The following P3H2 variants were observed in gnomAD, a reference collection of about 807,000 sequenced individuals.
P3H2 encodes prolyl 3-hydroxylase 2, also known as leprecan-like 1.
Under a neutral mutation model 87.0 loss-of-function variants are expected in P3H2, and 80 were observed. The ratio of observed to expected loss-of-function variants is 0.92; its 90% CI spans 0.77 to 1.11. The LOEUF is 1.11. P3H2 is among the 50% of genes least tolerant of loss of function. P3H2 has a pLI of 0.00. For missense variants in P3H2, 1,001 were observed against 923.9 expected (o/e 1.08, Z -1.08); for synonymous variants, 367 against 359.3 (o/e 1.02, Z -0.24).
intron 1 of P3H2, among the ~76,000 whole-genome samples, chr3:190,001,109 C>T (rs947547518): frequency 2.0e-5 from 3 of 152,150 alleles, no homozygotes; most frequent in Admixed American, 6.5e-5. Flanking sequence ...AAGGCAAACA[C>T]GTAACACAAA....
At chr3:190,117,255 G>A (rs1421602961) in intron 1 of P3H2, among the ~76,000 whole-genome samples, 1 of 152,070 alleles carries the variant, frequency 6.6e-6, no homozygotes, top group Non-Finnish European at 1.5e-5. Flanking sequence ...GAACTCATTG[G>A]GTCTCAGATT....
At chr3:189,996,884 C>A (rs1724066498) in intron 1 of P3H2, among the ~76,000 whole-genome samples, 1 of 152,164 alleles carries the variant, frequency 6.6e-6, no homozygotes, top group African/African-American at 2.4e-5. Context: ...AACTTTGATT[C>A]TCATTAATAA....
intron 1 of P3H2, among the ~76,000 whole-genome samples, chr3:190,005,056 T>C (rs75142842): frequency 0.017 from 2,530 of 152,332 alleles, 65 homozygotes; most frequent in African/African-American, 0.058. Flanking sequence ...ATCATTTGAA[T>C]TTGTCAATTA....
intron 1 of P3H2, among the ~76,000 whole-genome samples, chr3:189,998,204 C>A (rs898443734): frequency 6.6e-6 from 1 of 152,080 alleles, no homozygotes; most frequent in African/African-American, 2.4e-5. Flanking sequence ...AGAGTAGGTG[C>A]TTCTGGTTGG....
rs1323159963 is a variant in P3H2, at chr3:190,021,213, G to A, written c.481-25771C>T. 1.5e-5 allele frequency among the ~76,000 whole-genome samples: 2 copies of A among 134,664 alleles called. 1 individual carries two copies. The highest frequency in any genetic ancestry group is 5.1e-5 in the African/African-American group (2 of 38,948). The allele number at this position is 134,664 out of a possible 152,430, so 88.3% of individuals were successfully genotyped here. A position where few individuals can be genotyped will look rare whatever the true frequency, so the allele number is the denominator to read the frequency against. ...TAATAAAACAACAAAAAGTGCTTGC[G>A]AGGTTCCAGAGATTTTTCACCCTTT... On this transcript the variant is annotated intron_variant, in intron 1 of 14. Coordinates refer to ENST00000319332, the MANE Select transcript of P3H2 (RefSeq NM_018192.4).
intron 1 of P3H2, among the ~76,000 whole-genome samples, chr3:190,017,854 C>T (rs1484980374): frequency 6.6e-6 from 1 of 152,190 alleles, no homozygotes; most frequent in Non-Finnish European, 1.5e-5. Context: ...TGAAAACTGG[C>T]CCCAAGAGGG....
At position 190,053,453 on chromosome 3, in the gene P3H2, T is replaced by G. The variant is rs1445956155; in HGVS notation, c.481-58011A>C. ...ATTTTTATTTTTAAATAAAGTGGTT[T>G]TTTTTTTTTTTTTTGAGATGGAGTT... On this transcript the variant is annotated intron_variant, in intron 1 of 14. Coordinates refer to ENST00000319332, the MANE Select transcript of P3H2 (RefSeq NM_018192.4). 8.3e-3 allele frequency among the ~76,000 whole-genome samples: 1,232 copies of G among 148,464 alleles called. 15 individuals are homozygous for G. Among genetic ancestry groups the G allele is most frequent in the African/African-American group, 0.027 (1,096 of 40,480 alleles).
chr3:190,114,006 G>C (rs1712176692), intron 1 of P3H2, among the ~76,000 whole-genome samples: 1 of 142,636 alleles, frequency 7.0e-6, no homozygotes, highest in Non-Finnish European at 1.5e-5. Context: ...CGTGAACCCG[G>C]GAGGCGGAGC....
Position 189,973,910 on chromosome 3 carries a change from TTGAG to T in P3H2, c.1543_1546del (p.Leu515AsnfsTer10). On this transcript the variant is annotated frameshift_variant and splice_region_variant, in exon 10 of 15. Coordinates refer to ENST00000319332, the MANE Select transcript of P3H2 (RefSeq NM_018192.4). LOFTEE classifies it high-confidence loss of function. The stretch of plus-strand genomic sequence containing the variant: ...ACCCAAAAGAAGTTAAGACTTTACT[TTGAG>T]TGCTTTCAGGACAGTTGCACCTTCA... The T allele has an allele frequency of 1.9e-6, 3 of 1,611,544 alleles. No homozygotes were observed. The highest frequency in any genetic ancestry group is 1.7e-6 in the Non-Finnish European group (2 of 1,177,618).
chr3:190,094,732 C>T (rs555995141), intron 1 of P3H2, among the ~76,000 whole-genome samples: 9 of 152,232 alleles, frequency 5.9e-5, no homozygotes, highest in South Asian at 2.1e-4. Context: ...CTTTGTAATC[C>T]GCAAAACACC....
chr3:190,075,690 G>A (rs1481783152), intron 1 of P3H2, among the ~76,000 whole-genome samples: 5 of 151,792 alleles, frequency 3.3e-5, no homozygotes, highest in African/African-American at 1.2e-4. Context: ...AGATTAAGAG[G>A]GAGAAACATC....
intron 8 of P3H2, among the ~76,000 whole-genome samples, chr3:189,981,344 C>T (rs893661978): frequency 6.6e-6 from 1 of 152,146 alleles, no homozygotes; most frequent in African/African-American, 2.4e-5. Flanking sequence ...TATTTCCAGA[C>T]AGACAGTGTC....
chr3:190,064,034 C>T (rs192889066), intron 1 of P3H2, among the ~76,000 whole-genome samples: 91 of 147,370 alleles, frequency 6.2e-4, no homozygotes, highest in African/African-American at 2.2e-3. Flanking sequence ...CACTGTTACC[C>T]AGGCTGGAGA....
At chr3:190,058,791 G>T (rs192238633) in intron 1 of P3H2, among the ~76,000 whole-genome samples, 1 of 152,218 alleles carries the variant, frequency 6.6e-6, no homozygotes, top group Non-Finnish European at 1.5e-5. Flanking sequence ...GATAATAAAA[G>T]GATGCTGGGA....
rs149706744 is a variant in P3H2 at position 190,055,203 on chromosome 3, G to A, written c.481-59761C>T. 1.8e-3 allele frequency among the ~76,000 whole-genome samples: 278 copies of A among 152,220 alleles called. 1 individual carries two copies. The highest frequency in any genetic ancestry group is 6.4e-3 in the African/African-American group (267 of 41,534). On this transcript the variant is annotated intron_variant, in intron 1 of 14. Transcript: ENST00000319332. ...ACTTTTAATAGTGCATCTTACAATC[G>A]GGAATAACTACAAGCTGTGCGTAAC...
chr3:189,983,384 C>T, intron 7 of P3H2: 1 of 512,118 alleles, frequency 2.0e-6, no homozygotes, highest in South Asian at 2.6e-5. Flanking sequence ...TAATTGTATG[C>T]ATAACATAAC....
intron 1 of P3H2, among the ~76,000 whole-genome samples, chr3:190,085,679 G>A (rs927971428): frequency 1.3e-5 from 2 of 152,084 alleles, no homozygotes; most frequent in African/African-American, 4.8e-5. Context: ...AGAAAACCTA[G>A]AGACAGAAAA....
chr3:189,995,550 G>A, intron 1 of P3H2, 108 bp from the exon 2 acceptor site: 3 of 950,724 alleles, frequency 3.2e-6, no homozygotes, highest in East Asian at 6.6e-5. Flanking sequence ...GAAACTAGGA[G>A]CCTTGGTTTT....
chr3:190,066,894 T>G (rs190929905), intron 1 of P3H2, among the ~76,000 whole-genome samples: 3 of 152,258 alleles, frequency 2.0e-5, no homozygotes, highest in Non-Finnish European at 4.4e-5. Flanking sequence ...TCCTTCCACC[T>G]TTCCAGACCC....
Sources: gnomAD v4.1 joint callset for allele counts (sites outside exome capture counted in the v4.1 genomes callset) on GRCh38, gnomAD v4.1.1 for gene constraint, MANE v1.5 for transcripts, NCBI Gene and HGNC (gene_info 2026-07-23, HGNC 2026-07-21) for gene names.